Variants in INSYN2B observed in about 807,000 individuals in gnomAD.
The protein encoded by INSYN2B is protein INSYN2B.
Under a neutral mutation model 41.2 loss-of-function variants are expected in INSYN2B, and 16 were observed. That is an observed-to-expected ratio of 0.39 (90% confidence interval 0.26 to 0.59). The LOEUF (loss-of-function observed/expected upper bound fraction) is 0.59, where lower values mean the gene tolerates loss of function less well. Ranked by LOEUF, INSYN2B falls within the 20% of genes least tolerant of loss-of-function variation. The pLI, the probability that INSYN2B is intolerant of heterozygous loss-of-function variation, is 0.57. For missense variants in INSYN2B, 608 were observed against 646.4 expected (o/e 0.94, Z 0.64); for synonymous variants, 245 against 244.4 (o/e 1.00, Z -0.02).
rs1055717868 is a variant in INSYN2B at position 169,941,783 on chromosome 5, C to T, written c.-919+38494G>A. Among the ~76,000 whole-genome samples, 4 of 152,202 alleles carry T rather than the reference C, an allele frequency of 2.6e-5. No homozygotes were observed. In the South Asian group the frequency reaches 6.2e-4, roughly 24 times the overall value. On this transcript the variant is annotated intron_variant, in intron 1 of 3. Coordinates refer to ENST00000377365, the MANE Select transcript of INSYN2B (RefSeq NM_001129891.3). ...ACCAGCAGACATCGAATACCACACGCTTTCTTGCATTGCAGGGATGGGACA... is the reference window on the plus strand; with the variant it reads ...ACCAGCAGACATCGAATACCACACGTTTTCTTGCATTGCAGGGATGGGACA...
intron 1 of INSYN2B, among the ~76,000 whole-genome samples, chr5:169,941,482 G>C (rs1776244561): frequency 6.6e-6 from 1 of 152,178 alleles, no homozygotes; most frequent in Non-Finnish European, 1.5e-5. Context: ...GTTACTGCAG[G>C]TGCAAAGGCC....
chr5:169,888,162 G>A (rs6899136), intron 1 of INSYN2B, among the ~76,000 whole-genome samples: 12,856 of 152,136 alleles, frequency 0.085, 592 homozygotes, highest in African/African-American at 0.11. Flanking sequence ...ATTTTGTGTC[G>A]GAACTCTCCT....
intron 1 of INSYN2B, among the ~76,000 whole-genome samples, chr5:169,888,299 C>G (rs1339050825): frequency 6.6e-6 from 1 of 152,172 alleles, no homozygotes; most frequent in Non-Finnish European, 1.5e-5. Flanking sequence ...TTTCCCTAGG[C>G]ATTGGTGGTT....
intron 1 of INSYN2B, among the ~76,000 whole-genome samples, chr5:169,904,517 A>C (rs1158213346): frequency 6.6e-6 from 1 of 151,666 alleles, no homozygotes; most frequent in Non-Finnish European, 1.5e-5. Flanking sequence ...GGCCTGAGGG[A>C]GTGAGGTGGG....
intron 1 of INSYN2B, among the ~76,000 whole-genome samples, chr5:169,949,573 G>C (rs1776579741): frequency 6.6e-6 from 1 of 151,676 alleles, no homozygotes; most frequent in African/African-American, 2.4e-5. Context: ...AGGCGGGGGA[G>C]CACAGCAGCT....
chr5:169,875,580 G>A (rs747294324), intron 3 of INSYN2B: 48 of 228,570 alleles, frequency 2.1e-4, no homozygotes, highest in Non-Finnish European at 4.1e-4. Context: ...TTGTGCAAGT[G>A]CCTCGCCTCT....
At chr5:169,925,955 G>T (rs1359730076) in intron 1 of INSYN2B, among the ~76,000 whole-genome samples, 1 of 152,180 alleles carries the variant, frequency 6.6e-6, no homozygotes, top group Non-Finnish European at 1.5e-5. Context: ...GGCTTTGTGA[G>T]TATCATCTCT....
chr5:169,974,818 A>G (rs1330560790), intron 1 of INSYN2B, among the ~76,000 whole-genome samples: 1 of 151,876 alleles, frequency 6.6e-6, no homozygotes, highest in Non-Finnish European at 1.5e-5. Context: ...TCTTTTTGCA[A>G]TCATATTTGT....
chr5:169,934,374 T>C lies in INSYN2B; in HGVS notation c.-919+45903A>G, dbSNP rs372319834. Reference sequence around the variant, plus strand: ...GAGTGGATCATAGCCAATACCACCCTGTGTTGTTCCCACTAATTTACCTAT... The same window carrying C: ...GAGTGGATCATAGCCAATACCACCCCGTGTTGTTCCCACTAATTTACCTAT... On this transcript the variant is annotated intron_variant, in intron 1 of 3. Transcript: ENST00000377365. Among the ~76,000 whole-genome samples the C allele has an allele frequency of 3.0e-4, 46 of 152,298 alleles. 1 individual carries two copies. Among genetic ancestry groups the C allele is most frequent in the South Asian group, 2.1e-3 (10 of 4,828 alleles).
At chr5:169,879,984 T>C (rs1331044713) in intron 3 of INSYN2B, among the ~76,000 whole-genome samples, 1 of 152,258 alleles carries the variant, frequency 6.6e-6, no homozygotes, top group Non-Finnish European at 1.5e-5. Flanking sequence ...TTCTTGTTTA[T>C]GATGAATAGT....
intron 1 of INSYN2B, among the ~76,000 whole-genome samples, chr5:169,920,383 C>T (rs998501892): frequency 6.6e-6 from 1 of 152,076 alleles, no homozygotes; most frequent in Admixed American, 6.5e-5. Context: ...GGGAAGAAAA[C>T]AAAATACTTT....
intron 3 of INSYN2B, among the ~76,000 whole-genome samples, chr5:169,874,410 CAAA>C (rs34525811): frequency 8.3e-5 from 6 of 72,020 alleles, no homozygotes; most frequent in Admixed American, 1.7e-4. Context: ...GACTCTGTCT[CAAA>C]AAAAAAAAAA....
At chr5:169,903,963 G>C (rs572728086) in intron 1 of INSYN2B, among the ~76,000 whole-genome samples, 1 of 152,080 alleles carries the variant, frequency 6.6e-6, no homozygotes, top group South Asian at 2.1e-4. Flanking sequence ...AGCTGGGCGT[G>C]GTCCTGTAAT....
intron 1 of INSYN2B, among the ~76,000 whole-genome samples, chr5:169,917,066 A>G (rs191749437): frequency 6.6e-6 from 1 of 152,218 alleles, no homozygotes; most frequent in African/African-American, 2.4e-5. Flanking sequence ...CTTACTACTC[A>G]CAGCTTAAAG....
intron 1 of INSYN2B, among the ~76,000 whole-genome samples, chr5:169,903,825 C>T (rs1023539437): frequency 5.3e-5 from 8 of 151,830 alleles, no homozygotes; most frequent in East Asian, 1.9e-4. Flanking sequence ...AGAAACTGGG[C>T]GGAGTGGCTC....
intron 1 of INSYN2B, among the ~76,000 whole-genome samples, chr5:169,886,556 C>G (rs1039904778): frequency 2.6e-5 from 4 of 152,186 alleles, no homozygotes; most frequent in Non-Finnish European, 2.9e-5. Context: ...TAGTTATTTT[C>G]ATTAATAGTA....
At chr5:169,913,059 T>C (rs371840664) in intron 1 of INSYN2B, among the ~76,000 whole-genome samples, 335 of 152,328 alleles carry the variant, frequency 2.2e-3, no homozygotes, top group African/African-American at 7.5e-3. Context: ...GCAAGCCTTC[T>C]TTCTAAATGC....
intron 1 of INSYN2B, among the ~76,000 whole-genome samples, chr5:169,919,708 C>T (rs1314799576): frequency 1.3e-5 from 2 of 152,226 alleles, no homozygotes; most frequent in East Asian, 3.9e-4. Flanking sequence ...GCACTCATGG[C>T]CTTTCCCCTG....
intron 3 of INSYN2B, among the ~76,000 whole-genome samples, chr5:169,874,436 A>G (rs916764086): frequency 2.7e-5 from 4 of 148,140 alleles, no homozygotes; most frequent in Admixed American, 2.7e-4. Flanking sequence ...AAAAAAAGCA[A>G]TTGGTGGTCT....
Sources: allele counts gnomAD v4.1 joint callset (sites outside exome capture counted in the v4.1 genomes callset), GRCh38; gene constraint gnomAD v4.1.1; transcripts MANE v1.5; gene names NCBI Gene and HGNC (gene_info 2026-07-23, HGNC 2026-07-21).